The following ATP8A2 variants were observed in gnomAD, a reference collection of about 807,000 sequenced individuals.
ATP8A2 encodes ATPase phospholipid transporting 8A2, also known as phospholipid-transporting ATPase IB.
Under a neutral mutation model 165.6 loss-of-function variants are expected in ATP8A2, and 100 were observed. The observed-to-expected ratio is 0.60, with a 90% CI of 0.51 to 0.71. The LOEUF is 0.71. Ranked by LOEUF, ATP8A2 falls within the 30% of genes least tolerant of loss-of-function variation. The pLI is 0.00. For synonymous variants in ATP8A2, 543 were observed against 548.8 expected, an observed-to-expected ratio of 0.99 and a Z score of 0.15; for missense variants, 1,227 against 1,479.5, an observed-to-expected ratio of 0.83 and a Z score of 2.80.
chr13:25,777,775 G>T (rs1353360662), intron 27 of ATP8A2, among the ~76,000 whole-genome samples: 2 of 152,232 alleles, frequency 1.3e-5, no homozygotes, highest in African/African-American at 4.8e-5. Context: ...CTGTAAGCCT[G>T]TGATGTAATG....
chr13:25,634,906 A>C (rs1565998903), intron 24 of ATP8A2, among the ~76,000 whole-genome samples: 1 of 152,176 alleles, frequency 6.6e-6, no homozygotes, highest in Non-Finnish European at 1.5e-5. Context: ...TTGTTTAGAA[A>C]CCGTAAGAAC....
At chr13:25,419,280 C>T (rs760349161) in intron 1 of ATP8A2, among the ~76,000 whole-genome samples, 10 of 152,246 alleles carry the variant, frequency 6.6e-5, no homozygotes, top group Admixed American at 2.0e-4. Context: ...CAAATACCCT[C>T]ATCTAAAACA....
At chr13:25,679,569 A>G (rs1165511100) in intron 24 of ATP8A2, among the ~76,000 whole-genome samples, 1 of 152,208 alleles carries the variant, frequency 6.6e-6, no homozygotes, top group African/African-American at 2.4e-5. Flanking sequence ...CATATTTTTC[A>G]CATACTTTCA....
intron 25 of ATP8A2, among the ~76,000 whole-genome samples, chr13:25,702,380 A>T (rs944955375): frequency 6.6e-6 from 1 of 152,214 alleles, no homozygotes; most frequent in South Asian, 2.1e-4. Context: ...AGAATCAAAC[A>T]ATTTGCTAAT....
chr13:25,518,893 A>G (rs185949519), intron 2 of ATP8A2, among the ~76,000 whole-genome samples: 4 of 152,210 alleles, frequency 2.6e-5, no homozygotes, highest in African/African-American at 9.6e-5. Flanking sequence ...TCCTCAGAGG[A>G]GGGTTTGCAG....
At chr13:25,511,169 C>T (rs2037212559) in intron 2 of ATP8A2, among the ~76,000 whole-genome samples, 1 of 152,206 alleles carries the variant, frequency 6.6e-6, no homozygotes, top group Admixed American at 6.5e-5. Context: ...GGCAGTGTAT[C>T]ATGTTTGCCT....
intron 25 of ATP8A2, among the ~76,000 whole-genome samples, chr13:25,746,754 GT>G (rs771478179): frequency 2.0e-5 from 3 of 152,192 alleles, no homozygotes; most frequent in Non-Finnish European, 4.4e-5. Flanking sequence ...CAGCTGAAGT[GT>G]TTAGAGAAAA....
chr13:25,801,282 T>C (rs1036120206), intron 27 of ATP8A2, among the ~76,000 whole-genome samples: 18 of 152,174 alleles, frequency 1.2e-4, no homozygotes, highest in Admixed American at 9.8e-4. Context: ...ACAAGTCTTA[T>C]GGGCTGTCTA....
intron 29 of ATP8A2, among the ~76,000 whole-genome samples, chr13:25,839,251 T>A (rs535312412): frequency 4.6e-4 from 70 of 152,300 alleles, no homozygotes; most frequent in African/African-American, 1.6e-3. Context: ...AGAAAACTGA[T>A]CAGAGTGAAT....
intron 24 of ATP8A2, among the ~76,000 whole-genome samples, chr13:25,643,283 T>C (rs1593122829): frequency 6.6e-6 from 1 of 152,164 alleles, no homozygotes; most frequent in East Asian, 1.9e-4. Flanking sequence ...TTAATACAGG[T>C]ATAGTTCCTC....
intron 24 of ATP8A2, among the ~76,000 whole-genome samples, chr13:25,636,329 A>T (rs190531150): frequency 6.6e-6 from 1 of 152,172 alleles, no homozygotes; most frequent in Non-Finnish European, 1.5e-5. Flanking sequence ...GTTATATTTT[A>T]TAATGTACAA....
intron 24 of ATP8A2, among the ~76,000 whole-genome samples, chr13:25,629,785 C>T (rs892457339): frequency 2.0e-5 from 3 of 152,130 alleles, no homozygotes; most frequent in East Asian, 1.9e-4. Context: ...AACCCCTGAC[C>T]TCAAGTGAAG....
At chr13:25,494,277 C>A (rs1293174185) in intron 2 of ATP8A2, among the ~76,000 whole-genome samples, 1 of 152,118 alleles carries the variant, frequency 6.6e-6, no homozygotes, top group East Asian at 1.9e-4. Flanking sequence ...AAAAAAATTA[C>A]AAGGAAAAGA....
intron 27 of ATP8A2, among the ~76,000 whole-genome samples, chr13:25,775,294 C>T (rs373796133): frequency 1.3e-5 from 2 of 152,172 alleles, no homozygotes; most frequent in South Asian, 4.1e-4. Context: ...CACAGCCCTT[C>T]CACAGGGGTC....
At chr13:25,885,913 A>AT (rs1295119488) in intron 33 of ATP8A2, among the ~76,000 whole-genome samples, 1 of 152,114 alleles carries the variant, frequency 6.6e-6, no homozygotes, top group Non-Finnish European at 1.5e-5. Flanking sequence ...GAAGGAAGGG[A>AT]TTTTTCAAAG....
intron 1 of ATP8A2, among the ~76,000 whole-genome samples, chr13:25,444,658 G>GT (rs2035023681): frequency 1.5e-5 from 2 of 137,264 alleles, no homozygotes; most frequent in Admixed American, 7.3e-5. Context: ...GTTTTGTTTT[G>GT]TTTTTGAGAC....
chr13:25,937,419 A>G (rs543531566), intron 33 of ATP8A2, among the ~76,000 whole-genome samples: 1 of 127,838 alleles, frequency 7.8e-6, no homozygotes, highest in East Asian at 2.5e-4. Context: ...GTTTGGAAAA[A>G]TGAAAGAAAA....
Position 25,920,152 on chromosome 13 carries a change from C to T in ATP8A2, c.3184-41423C>T, listed in dbSNP as rs186447316. Among the ~76,000 whole-genome samples the T allele has an allele frequency of 1.1e-4, 17 of 152,232 alleles. No individual in the cohort carries two copies. The East Asian group carries it at 1.5e-3, about 14-fold the overall frequency. The stretch of plus-strand genomic sequence containing the variant: ...CCCTTCTTCAGATTCTTTTTGTGTT[C>T]CAGCTAGCCCAACTCCTTCTCGGCC... On this transcript the variant is annotated intron_variant, in intron 33 of 36. Transcript: ENST00000381655.
At chr13:25,874,429 T>C (rs1952769353) in intron 33 of ATP8A2, among the ~76,000 whole-genome samples, 1 of 152,216 alleles carries the variant, frequency 6.6e-6, no homozygotes, top group Admixed American at 6.5e-5. Flanking sequence ...TATTGTATGT[T>C]CTCTTAACAC....
Sources: allele counts gnomAD v4.1 joint callset (sites outside exome capture counted in the v4.1 genomes callset), GRCh38; gene constraint gnomAD v4.1.1; transcripts MANE v1.5; gene names NCBI Gene and HGNC (gene_info 2026-07-23, HGNC 2026-07-21).